The following KATNIP variants were observed in gnomAD, a reference collection of about 807,000 sequenced individuals.
KATNIP encodes katanin-interacting protein.
In KATNIP, 126 loss-of-function variants were observed where a neutral mutation model predicts 174.0. The observed-to-expected ratio is 0.72, with a 90% CI of 0.63 to 0.84. KATNIP has a LOEUF of 0.84. KATNIP is among the 40% of genes least tolerant of loss of function. The pLI is 0.00. For synonymous variants in KATNIP, 810 were observed against 835.7 expected (o/e 0.97, Z 0.53); for missense variants, 1,958 against 2,109.7 (o/e 0.93, Z 1.41).
At chr16:27,654,851 C>T (rs894190412) in intron 6 of KATNIP, 44 of 977,726 alleles carry the variant, frequency 4.5e-5, no homozygotes, top group Middle Eastern at 5.4e-4. Flanking sequence ...AACCACAGGG[C>T]GGGCACGGTG....
intron 2 of KATNIP, among the ~76,000 whole-genome samples, chr16:27,592,603 G>A (rs1030535556): frequency 6.6e-6 from 1 of 152,068 alleles, no homozygotes; most frequent in Non-Finnish European, 1.5e-5. Flanking sequence ...GGGCAATAGA[G>A]TGAGACCCTG....
At chr16:27,651,967 G>A (rs890655133) in intron 6 of KATNIP, among the ~76,000 whole-genome samples, 4 of 152,128 alleles carry the variant, frequency 2.6e-5, no homozygotes, top group Admixed American at 6.5e-5. Flanking sequence ...TGATTTGCCC[G>A]CCTCACCCTC....
intron 18 of KATNIP, among the ~76,000 whole-genome samples, chr16:27,757,706 A>G (rs906172679): frequency 7.9e-5 from 12 of 152,230 alleles, no homozygotes; most frequent in African/African-American, 2.7e-4. Context: ...TGATTTCTGC[A>G]TCTCTTCTCT....
chr16:27,673,604 G>A lies in KATNIP; in HGVS notation c.541-4125G>A, dbSNP rs945020673. On this transcript the variant is annotated intron_variant, in intron 6 of 27. Coordinates refer to ENST00000261588, the MANE Select transcript of KATNIP (RefSeq NM_015202.5). ...GTTGTGGGGCTGTCCTGGACATTCT[G>A]TTATGTTTAGCAGCATCCCTGGTGT... Among the ~76,000 whole-genome samples, 29 of 152,210 alleles carry A rather than the reference G, an allele frequency of 1.9e-4. No homozygotes were observed. The Middle Eastern group carries it at 0.01, about 54-fold the overall frequency.
chr16:27,749,511 A>C (rs1362897345), intron 15 of KATNIP, 73 bp from the exon 16 acceptor site: 1 of 1,479,488 alleles, frequency 6.8e-7, no homozygotes, highest in Non-Finnish European at 9.0e-7. Flanking sequence ...ACCACAGGAG[A>C]CAGTCTCTAA....
intron 5 of KATNIP, among the ~76,000 whole-genome samples, chr16:27,636,138 A>G (rs2076629748): frequency 6.6e-6 from 1 of 152,130 alleles, no homozygotes; most frequent in Non-Finnish European, 1.5e-5. Context: ...TGGGGGACAG[A>G]GCAAGACCCT....
intron 2 of KATNIP, among the ~76,000 whole-genome samples, chr16:27,613,611 A>G (rs2142029422): frequency 6.6e-6 from 1 of 152,348 alleles, no homozygotes; most frequent in South Asian, 2.1e-4. Context: ...GGGAAGATGC[A>G]TGGGAGGGTT....
intron 2 of KATNIP, among the ~76,000 whole-genome samples, chr16:27,597,571 C>T (rs997776609): frequency 1.3e-5 from 2 of 152,032 alleles, no homozygotes; most frequent in Non-Finnish European, 2.9e-5. Flanking sequence ...CCTGTTGCAT[C>T]GGATTCCCTG....
intron 18 of KATNIP, among the ~76,000 whole-genome samples, chr16:27,760,780 G>A (rs752899117): frequency 1.5e-4 from 23 of 152,212 alleles, no homozygotes; most frequent in Non-Finnish European, 2.6e-4. Context: ...CCAAGATCAC[G>A]CGATTACAGC....
At chr16:27,746,164 A>T (rs1316063202) in intron 15 of KATNIP, among the ~76,000 whole-genome samples, 3 of 151,740 alleles carry the variant, frequency 2.0e-5, no homozygotes, top group Non-Finnish European at 4.4e-5. Flanking sequence ...AGAGTGTACA[A>T]CTCAGGGAGA....
chr16:27,676,003 T>C (rs2078100755), intron 6 of KATNIP, among the ~76,000 whole-genome samples: 1 of 152,212 alleles, frequency 6.6e-6, no homozygotes. Context: ...TTTCTCTCCA[T>C]AGCATACTTT....
chr16:27,717,731 A>G (rs1369667895), intron 13 of KATNIP, among the ~76,000 whole-genome samples: 1 of 152,178 alleles, frequency 6.6e-6, no homozygotes, highest in African/African-American at 2.4e-5. Context: ...GAATGGCAGC[A>G]CTGAGATTTC....
At chr16:27,666,392 T>TTTTG (rs2077683472) in intron 6 of KATNIP, among the ~76,000 whole-genome samples, 1 of 149,390 alleles carries the variant, frequency 6.7e-6, no homozygotes, top group East Asian at 2.0e-4. Flanking sequence ...GGGGAATGAG[T>TTTTG]TTTTGTTTTG....
At chr16:27,571,468 G>A (rs2090293144) in intron 1 of KATNIP, among the ~76,000 whole-genome samples, 1 of 151,920 alleles carries the variant, frequency 6.6e-6, no homozygotes, top group Non-Finnish European at 1.5e-5. Context: ...AAAAACTATG[G>A]CCCATAGAGA....
chr16:27,552,714 ACGGG>A (rs2089441210), intron 1 of KATNIP, among the ~76,000 whole-genome samples: 1 of 65,970 alleles, frequency 1.5e-5, no homozygotes, highest in Non-Finnish European at 2.8e-5. Flanking sequence ...TTTTTTTGAG[ACGGG>A]AGTTTTGCCG....
chr16:27,619,724 C>A (rs1176645127), intron 3 of KATNIP, among the ~76,000 whole-genome samples: 1 of 152,138 alleles, frequency 6.6e-6, no homozygotes, highest in Non-Finnish European at 1.5e-5. Context: ...TTTCCAGATA[C>A]CTACCTACTG....
At chr16:27,678,113 G>C (rs2078189842) in intron 7 of KATNIP, 117 bp downstream of exon 7, 3 of 1,169,472 alleles carry the variant, frequency 2.6e-6, no homozygotes. Flanking sequence ...TCACAGGCCA[G>C]GGAGGTATAT....
chr16:27,669,005 CAAAAAA>C (rs1376985221), intron 6 of KATNIP, among the ~76,000 whole-genome samples: 1 of 151,222 alleles, frequency 6.6e-6, no homozygotes, highest in African/African-American at 2.4e-5. Flanking sequence ...GACCCTTCCT[CAAAAAA>C]GAAAAAGAAA....
chr16:27,638,650 A>C (rs1282659546), intron 5 of KATNIP, among the ~76,000 whole-genome samples: 3 of 151,970 alleles, frequency 2.0e-5, no homozygotes, highest in Non-Finnish European at 4.4e-5. Flanking sequence ...CATGCCAACC[A>C]GGAGGTATCA....
Sources: allele counts gnomAD v4.1 joint callset (sites outside exome capture counted in the v4.1 genomes callset), GRCh38; gene constraint gnomAD v4.1.1; transcripts MANE v1.5; gene names NCBI Gene and HGNC (gene_info 2026-07-23, HGNC 2026-07-21).